The following EHD4 variants were observed in gnomAD, a reference collection of about 807,000 sequenced individuals.
EHD4 encodes EH domain containing 4, also known as EH domain-containing protein 4.
In EHD4, 37 loss-of-function variants were observed where a neutral mutation model predicts 51.0. That is an observed-to-expected ratio of 0.73 (90% CI 0.56 to 0.95). EHD4 has a LOEUF of 0.95. EHD4 is among the 40% of genes least tolerant of loss of function. EHD4 has a pLI of 0.00. For missense variants in EHD4, 632 were observed against 733.1 expected, an observed-to-expected ratio of 0.86 and a Z score of 1.59; for synonymous variants, 297 against 317.3, an observed-to-expected ratio of 0.94 and a Z score of 0.68.
At chr15:41,911,503 G>A (rs1308149501) in intron 4 of EHD4, among the ~76,000 whole-genome samples, 1 of 152,154 alleles carries the variant, frequency 6.6e-6, no homozygotes, top group South Asian at 2.1e-4. Flanking sequence ...GGAGGGCCAG[G>A]GCTGAGGGAG....
chr15:41,900,782 C>A lies in EHD4; in HGVS notation c.1489G>T (p.Gly497Cys). ...IWKLADCDCD[G>C]MLDEEEFALA... ...GCGAACTCCTCCTCATCAAGCATGCCGTCGCAGTCGCAGTCGGCCAGCTTC... is the reference window on the plus strand; with the variant it reads ...GCGAACTCCTCCTCATCAAGCATGCAGTCGCAGTCGCAGTCGGCCAGCTTC... Residue 497 changes from glycine (G) to cysteine (C), a missense_variant, in exon 6 of 6, where the codon GGC becomes TGC. Gly to Cys is a radical substitution (Grantham distance 159, BLOSUM62 -3). Coordinates refer to ENST00000220325, the MANE Select transcript of EHD4 (RefSeq NM_139265.4). This position sits in a 1 kb window ranked among gnomAD's most constrained non-coding sequence, Gnocchi z 4.8. 1 of 1,614,166 alleles carries A rather than the reference C, an allele frequency of 6.2e-7. No homozygotes were observed. Among genetic ancestry groups the A allele is most frequent in the Non-Finnish European group, 8.5e-7 (1 of 1,180,044 alleles).
chr15:41,904,093 G>A (rs904718127), intron 5 of EHD4, among the ~76,000 whole-genome samples: 10 of 152,138 alleles, frequency 6.6e-5, no homozygotes, highest in African/African-American at 1.7e-4. Flanking sequence ...TGGATTCCCC[G>A]GGTGCGTGAA....
At chr15:41,914,464 C>A (rs974794292) in intron 4 of EHD4, among the ~76,000 whole-genome samples, 2 of 152,202 alleles carry the variant, frequency 1.3e-5, no homozygotes, top group African/African-American at 4.8e-5. Context: ...GGGCAGCTGA[C>A]TTGAGCAAGG....
At chr15:41,902,895 A>T (rs547729505) in intron 5 of EHD4, among the ~76,000 whole-genome samples, 1 of 151,022 alleles carries the variant, frequency 6.6e-6, no homozygotes, top group Non-Finnish European at 1.5e-5. Flanking sequence ...GCTAAGGTTA[A>T]GGAAAACTAC....
intron 5 of EHD4, among the ~76,000 whole-genome samples, chr15:41,907,676 C>T (rs887823228): frequency 1.3e-5 from 2 of 152,092 alleles, no homozygotes; most frequent in South Asian, 4.2e-4. Context: ...TGCACCACCA[C>T]ACCTGGCCAA....
Position 41,950,814 on chromosome 15 carries a change from C to T in EHD4, c.413+2950G>A, listed in dbSNP as rs527647381. ...ATTCCAATCCCCTCTCTGCCTCTTCCTGATGGCCTCTCCCTGAGCAAGTCA... is the reference window on the plus strand; with the variant it reads ...ATTCCAATCCCCTCTCTGCCTCTTCTTGATGGCCTCTCCCTGAGCAAGTCA... On this transcript the variant is annotated intron_variant, in intron 2 of 5. Transcript: ENST00000220325. Among the ~76,000 whole-genome samples the T allele has an allele frequency of 1.2e-3, 183 of 152,298 alleles. 1 individual carries two copies. Among genetic ancestry groups the T allele is most frequent in the African/African-American group, 4.2e-3 (173 of 41,570 alleles).
intron 3 of EHD4, among the ~76,000 whole-genome samples, chr15:41,934,800 C>T (rs960130022): frequency 7.9e-5 from 12 of 152,120 alleles, no homozygotes; most frequent in African/African-American, 2.4e-4. Flanking sequence ...ATTGCACGGC[C>T]GAAGGAAAGA....
chr15:41,930,465 T>C (rs975787554), intron 3 of EHD4, among the ~76,000 whole-genome samples: 2 of 152,242 alleles, frequency 1.3e-5, no homozygotes, highest in Admixed American at 6.5e-5. Context: ...CAATGCATCT[T>C]GTCATTCTGT....
chr15:41,919,649 G>A, intron 3 of EHD4, 27 bp from the exon 4 acceptor site: 8 of 1,498,258 alleles, frequency 5.3e-6, no homozygotes, highest in Non-Finnish European at 6.2e-6. Flanking sequence ...ACACGTCAGT[G>A]TAGCCACTGC....
intron 3 of EHD4, chr15:41,942,817 T>TGTTTACCCCACTC (rs59036361): frequency 0.49 from 169,216 of 342,234 alleles, 45,450 homozygotes; most frequent in African/African-American, 0.71. Flanking sequence ...TACCTCCCAT[T>TGTTTACCCCACTC]GTTTACCCCA....
intron 4 of EHD4, among the ~76,000 whole-genome samples, chr15:41,916,416 G>A (rs1461937155): frequency 1.3e-5 from 2 of 152,224 alleles, no homozygotes; most frequent in East Asian, 3.9e-4. Flanking sequence ...CCCTCAGGTG[G>A]GAAATGAGGA....
intron 4 of EHD4, among the ~76,000 whole-genome samples, chr15:41,912,167 C>T (rs2067554462): frequency 1.3e-5 from 2 of 152,158 alleles, no homozygotes; most frequent in Non-Finnish European, 2.9e-5. Flanking sequence ...TGCCAGGTCT[C>T]AACTCCCTCC....
Position 41,900,960 on chromosome 15 carries a change from G to A in EHD4, c.1311C>T (p.Ala437=), listed in dbSNP as rs779113764. Residue 437 remains alanine (A), a synonymous_variant, in exon 6 of 6, where the codon GCC becomes GCT. Transcript: ENST00000220325. This position sits in a 1 kb window ranked among gnomAD's most constrained non-coding sequence, Gnocchi z 4.8. ...TGGCCACGACCCACTCCTCCTCGTCGGCGCCCTCCTTGGCACCCTCCCCGT... is the reference window on the plus strand; with the variant it reads ...TGGCCACGACCCACTCCTCCTCGTCAGCGCCCTCCTTGGCACCCTCCCCGT... ...QGYGEGAKEG[A]DEEEWVVAKD... 5 of 1,612,448 alleles carry A rather than the reference G, an allele frequency of 3.1e-6. No individual in the cohort carries two copies. The highest frequency in any genetic ancestry group is 2.2e-5 in the East Asian group (1 of 44,832).
intron 3 of EHD4, among the ~76,000 whole-genome samples, chr15:41,939,378 A>G (rs1281798462): frequency 6.6e-6 from 1 of 152,120 alleles, no homozygotes; most frequent in Non-Finnish European, 1.5e-5. Context: ...AACTAAACTA[A>G]CCTAGTCTGT....
At chr15:41,964,932 C>T (rs1404119115) in intron 1 of EHD4, among the ~76,000 whole-genome samples, 7 of 151,908 alleles carry the variant, frequency 4.6e-5, no homozygotes, top group African/African-American at 7.3e-5. Flanking sequence ...CCACCATGTC[C>T]GGCTAATTTT....
chr15:41,938,983 T>G (rs779986444), intron 3 of EHD4, among the ~76,000 whole-genome samples: 1 of 152,210 alleles, frequency 6.6e-6, no homozygotes, highest in Non-Finnish European at 1.5e-5. Flanking sequence ...CTCAATAGTA[T>G]TCTAGGAAAC....
chr15:41,964,357 C>G (rs1314291984), intron 1 of EHD4, among the ~76,000 whole-genome samples: 1 of 152,090 alleles, frequency 6.6e-6, no homozygotes, highest in East Asian at 1.9e-4. Context: ...GCACTTTGGA[C>G]TTTGGGAGGC....
At chr15:41,927,622 T>C (rs1382945174) in intron 3 of EHD4, among the ~76,000 whole-genome samples, 1 of 152,218 alleles carries the variant, frequency 6.6e-6, no homozygotes, top group Non-Finnish European at 1.5e-5. Context: ...TCTACTTGTA[T>C]AAGATATGTA....
intron 2 of EHD4, among the ~76,000 whole-genome samples, chr15:41,945,008 A>G (rs2067802100): frequency 6.6e-6 from 1 of 151,990 alleles, no homozygotes; most frequent in Non-Finnish European, 1.5e-5. Flanking sequence ...AAAAAACCCC[A>G]CCATGCCATT....
Sources: allele counts gnomAD v4.1 joint callset (sites outside exome capture counted in the v4.1 genomes callset), GRCh38; gene constraint gnomAD v4.1.1; non-coding constraint Gnocchi (gnomAD v3.1); transcripts MANE v1.5; gene names NCBI Gene and HGNC (gene_info 2026-07-23, HGNC 2026-07-21).